Variants in UNC5D observed in about 807,000 individuals in gnomAD.
UNC5D encodes netrin receptor UNC5D.
Under a neutral mutation model 105.4 loss-of-function variants are expected in UNC5D, and 39 were observed. That is an observed-to-expected ratio of 0.37 (90% CI 0.29 to 0.48). UNC5D has a LOEUF of 0.48. Among genes scored for constraint, UNC5D ranks in the 20% least tolerant of loss-of-function variants. The probability of loss-of-function intolerance (pLI) is 0.98; values close to 1 mark genes in which losing one functional copy is unlikely to be tolerated. For missense variants in UNC5D, 991 were observed against 1,202.4 expected, an observed-to-expected ratio of 0.82 and a Z score of 2.60; for synonymous variants, 452 against 450.4, an observed-to-expected ratio of 1.00 and a Z score of -0.04.
intron 1 of UNC5D, among the ~76,000 whole-genome samples, chr8:35,302,517 G>A (rs1808035341): frequency 6.6e-6 from 1 of 152,202 alleles, no homozygotes; most frequent in African/African-American, 2.4e-5. Flanking sequence ...TCTGTGACCA[G>A]CTGTAATAAG....
intron 1 of UNC5D, among the ~76,000 whole-genome samples, chr8:35,540,443 G>GT (rs1815189226): frequency 1.5e-5 from 2 of 137,182 alleles, no homozygotes; most frequent in Admixed American, 6.9e-5. Flanking sequence ...CAAAGCAGAG[G>GT]GGTGTGTGTG....
chr8:35,568,032 C>T (rs570912432), intron 2 of UNC5D, 66 bp from the exon 3 acceptor site: 1 of 1,582,534 alleles, frequency 6.3e-7, no homozygotes, highest in African/African-American at 1.4e-5. Flanking sequence ...TTTGGCTAAC[C>T]TTAACTTTCT....
intron 1 of UNC5D, among the ~76,000 whole-genome samples, chr8:35,522,578 A>AT (rs1261157805): frequency 2.0e-5 from 3 of 152,158 alleles, no homozygotes; most frequent in Non-Finnish European, 2.9e-5. Flanking sequence ...TAAGTGTCAG[A>AT]TTTTTTCACT....
intron 7 of UNC5D, among the ~76,000 whole-genome samples, chr8:35,696,158 G>A (rs960269661): frequency 7.2e-5 from 11 of 151,986 alleles, no homozygotes; most frequent in Admixed American, 2.0e-4. Context: ...TATAGATTCC[G>A]GGATTACTGT....
intron 1 of UNC5D, among the ~76,000 whole-genome samples, chr8:35,346,392 A>G (rs1811808637): frequency 6.6e-6 from 1 of 152,052 alleles, no homozygotes; most frequent in Admixed American, 6.6e-5. Context: ...ATGGAACTTC[A>G]GAGTCTATTT....
chr8:35,302,356 T>C (rs1272923222), intron 1 of UNC5D, among the ~76,000 whole-genome samples: 1 of 152,184 alleles, frequency 6.6e-6, no homozygotes, highest in Non-Finnish European at 1.5e-5. Context: ...AGGAGAGGGC[T>C]AAACCAAATA....
intron 11 of UNC5D, among the ~76,000 whole-genome samples, chr8:35,740,105 G>A (rs1586565908): frequency 6.6e-6 from 1 of 152,302 alleles, no homozygotes; most frequent in East Asian, 1.9e-4. Context: ...GACAATAGTG[G>A]ATCAGGAGAC....
intron 15 of UNC5D, 79 bp downstream of exon 15, chr8:35,767,145 G>T: frequency 3.4e-6 from 5 of 1,459,656 alleles, no homozygotes; most frequent in Non-Finnish European, 4.6e-6. Context: ...TACCAGCCGT[G>T]CTATTCAGGT....
intron 1 of UNC5D, among the ~76,000 whole-genome samples, chr8:35,342,687 T>G (rs560577607): frequency 1.6e-4 from 25 of 152,176 alleles, no homozygotes; most frequent in African/African-American, 5.5e-4. Flanking sequence ...CCCAGAGTCT[T>G]GGGCACAAAC....
intron 16 of UNC5D, among the ~76,000 whole-genome samples, chr8:35,776,790 A>G (rs1344018475): frequency 1.3e-5 from 2 of 152,202 alleles, no homozygotes; most frequent in African/African-American, 2.4e-5. Flanking sequence ...GCAAATCACA[A>G]TAGCACAAAT....
intron 4 of UNC5D, among the ~76,000 whole-genome samples, chr8:35,640,812 C>T (rs1198312606): frequency 6.6e-6 from 1 of 152,006 alleles, no homozygotes; most frequent in East Asian, 1.9e-4. Flanking sequence ...TGGCTAAGTC[C>T]AGCTATACAA....
At chr8:35,525,696 T>G (rs1467524494) in intron 1 of UNC5D, 3 of 1,604,656 alleles carry the variant, frequency 1.9e-6, no homozygotes, top group Non-Finnish European at 2.6e-6. Context: ...CTGCAGCCGC[T>G]GCTCCTGGCA....
At chr8:35,492,091 T>C (rs910728626) in intron 1 of UNC5D, among the ~76,000 whole-genome samples, 2 of 152,000 alleles carry the variant, frequency 1.3e-5, no homozygotes, top group Non-Finnish European at 2.9e-5. Flanking sequence ...AACATCACTT[T>C]TCTTCTTTTT....
chr8:35,398,707 T>A (rs377072943), intron 1 of UNC5D, among the ~76,000 whole-genome samples: 2 of 152,134 alleles, frequency 1.3e-5, no homozygotes, highest in East Asian at 3.9e-4. Flanking sequence ...AGTGGTGGAC[T>A]GTTTAGTGGT....
chr8:35,546,708 T>C (rs2130668995), intron 1 of UNC5D, among the ~76,000 whole-genome samples: 1 of 152,322 alleles, frequency 6.6e-6, no homozygotes, highest in Admixed American at 6.5e-5. Context: ...ACTTGGTATT[T>C]GTTGAAGATA....
chr8:35,679,469 T>C (rs753024887), intron 4 of UNC5D, among the ~76,000 whole-genome samples: 13 of 151,946 alleles, frequency 8.6e-5, no homozygotes, highest in African/African-American at 2.4e-4. Flanking sequence ...GGCTCTGAGG[T>C]TGGAACTTGC....
chr8:35,367,959 A>T (rs1215345508), intron 1 of UNC5D, among the ~76,000 whole-genome samples: 2 of 152,064 alleles, frequency 1.3e-5, no homozygotes, highest in East Asian at 3.9e-4. Context: ...CTCTATTTTT[A>T]ATTTATTAGC....
At chr8:35,689,441 C>G (rs1038922727) in intron 7 of UNC5D, among the ~76,000 whole-genome samples, 1 of 152,040 alleles carries the variant, frequency 6.6e-6, no homozygotes, top group Admixed American at 6.6e-5. Flanking sequence ...GAAACAGAAC[C>G]AATAGGATAT....
rs571529754 is a variant in UNC5D, at chr8:35,796,402, C to A, written c.*5839C>A. On this transcript the variant is annotated 3_prime_UTR_variant, in exon 17 of 17. Transcript: ENST00000404895. ...GTTATATTGTATTGAACAAAATGGA[C>A]GGTTTGGATGTTTTATGTCGAGTTT... 1.9e-5 allele frequency: 2 copies of A among 102,838 alleles called. No individual in the cohort carries two copies. The highest frequency in any genetic ancestry group is 1.8e-5 in the Non-Finnish European group (1 of 56,436). The allele number at this position is 102,838 out of a possible 1,614,324, so 6.4% of individuals were successfully genotyped here.
Sources: gnomAD v4.1 joint callset for allele counts (sites outside exome capture counted in the v4.1 genomes callset) on GRCh38, gnomAD v4.1.1 for gene constraint, MANE v1.5 for transcripts, NCBI Gene and HGNC (gene_info 2026-07-23, HGNC 2026-07-21) for gene names.